IMMP2L: variants seen among roughly 807,000 people sequenced by gnomAD.
The protein encoded by IMMP2L is inner mitochondrial membrane peptidase subunit 2, also known as mitochondrial inner membrane protease subunit 2.
In IMMP2L, 18 loss-of-function variants were observed where a neutral mutation model predicts 19.3. The observed-to-expected ratio is 0.93, with a 90% CI of 0.64 to 1.38. The LOEUF (loss-of-function observed/expected upper bound fraction) is 1.38. Ranked by LOEUF, IMMP2L falls within the 40% of genes most tolerant of loss-of-function variation. The probability of loss-of-function intolerance (pLI) is 0.00; values close to 1 mark genes in which losing one functional copy is unlikely to be tolerated. For synonymous variants in IMMP2L, 76 were observed against 73.0 expected (o/e 1.04, Z -0.21); for missense variants, 233 against 218.2 (o/e 1.07, Z -0.43).
chr7:110,701,320 G>C (rs899113851), intron 5 of IMMP2L, among the ~76,000 whole-genome samples: 4 of 152,152 alleles, frequency 2.6e-5, no homozygotes, highest in African/African-American at 9.7e-5. Flanking sequence ...ATAATAGCTA[G>C]CATCTACCAA....
chr7:111,445,220 G>A (rs1190098760), intron 3 of IMMP2L, among the ~76,000 whole-genome samples: 1 of 151,884 alleles, frequency 6.6e-6, no homozygotes, highest in Non-Finnish European at 1.5e-5. Flanking sequence ...CAAGAACACT[G>A]CAGGACATTG....
Position 111,224,850 on chromosome 7 carries a change from T to C in IMMP2L, c.240-261285A>G, listed in dbSNP as rs567710311. On this transcript the variant is annotated intron_variant, in intron 3 of 5. Transcript: ENST00000405709. ...TGAGTCATTGTACTCTTCACTGCCA[T>C]GCACTGTCATTAAAGCAAGCAAAGT... Among the ~76,000 whole-genome samples the C allele has an allele frequency of 5.3e-5, 8 of 152,266 alleles. No individual in the cohort carries two copies. In the South Asian group the frequency reaches 6.2e-4, roughly 12 times the overall value.
chr7:110,722,951 G>C (rs1795668489), intron 5 of IMMP2L, among the ~76,000 whole-genome samples: 1 of 152,016 alleles, frequency 6.6e-6, no homozygotes, highest in Non-Finnish European at 1.5e-5. Context: ...ATTTGTGCAG[G>C]GAAAAACTCA....
chr7:110,783,845 T>C (rs956026470), intron 5 of IMMP2L, among the ~76,000 whole-genome samples: 7 of 151,840 alleles, frequency 4.6e-5, no homozygotes, highest in Non-Finnish European at 8.8e-5. Context: ...ATCCAACAAG[T>C]TCATTGTAGT....
At chr7:110,714,544 T>G (rs535796255) in intron 5 of IMMP2L, among the ~76,000 whole-genome samples, 3 of 152,112 alleles carry the variant, frequency 2.0e-5, no homozygotes, top group Admixed American at 6.5e-5. Context: ...CTTACTTGTA[T>G]GACTGATAGA....
chr7:111,522,869 G>A (rs1351416450), intron 1 of IMMP2L, among the ~76,000 whole-genome samples: 4 of 148,162 alleles, frequency 2.7e-5, no homozygotes, highest in Non-Finnish European at 4.5e-5. Context: ...AATAGCCAAG[G>A]TATGGAATTA....
chr7:111,432,995 TA>T (rs1643728983), intron 3 of IMMP2L, among the ~76,000 whole-genome samples: 1 of 151,594 alleles, frequency 6.6e-6, no homozygotes, highest in African/African-American at 2.4e-5. Context: ...GGAATATATT[TA>T]ACAAAGAAGG....
intron 3 of IMMP2L, among the ~76,000 whole-genome samples, chr7:111,249,065 G>C (rs1319878330): frequency 2.0e-5 from 1 of 50,396 alleles, no homozygotes; most frequent in East Asian, 5.5e-4. Flanking sequence ...CGAGCTTCCC[G>C]GCTGCTTTGT....
At chr7:111,195,033 A>T (rs1809319153) in intron 3 of IMMP2L, among the ~76,000 whole-genome samples, 1 of 152,098 alleles carries the variant, frequency 6.6e-6, no homozygotes, top group Non-Finnish European at 1.5e-5. Flanking sequence ...AACAATTAAA[A>T]CTGTCACCAT....
At chr7:110,779,457 G>A (rs1170765337) in intron 5 of IMMP2L, among the ~76,000 whole-genome samples, 1 of 151,890 alleles carries the variant, frequency 6.6e-6, no homozygotes, top group Non-Finnish European at 1.5e-5. Flanking sequence ...TTTAGTTATC[G>A]AGAAAAACAT....
At chr7:110,914,903 C>A (rs1813432762) in intron 4 of IMMP2L, among the ~76,000 whole-genome samples, 1 of 152,092 alleles carries the variant, frequency 6.6e-6, no homozygotes, top group African/African-American at 2.4e-5. Context: ...CATAGCACCT[C>A]ATACCTATTA....
rs185256870 is a variant in IMMP2L at position 111,193,532 on chromosome 7, G to C, written c.240-229967C>G. 1.2e-4 allele frequency among the ~76,000 whole-genome samples: 18 copies of C among 152,144 alleles called. No individual in the cohort carries two copies. The East Asian group carries it at 3.1e-3, about 26-fold the overall frequency. ...TCCAACGACTTTTAAAGAAAATATA[G>C]TTCTTATTTTCACTCAGGTTTTATA... On this transcript the variant is annotated intron_variant, in intron 3 of 5. Transcript: ENST00000405709.
chr7:111,409,443 T>A (rs911323410), intron 3 of IMMP2L, among the ~76,000 whole-genome samples: 2 of 151,820 alleles, frequency 1.3e-5, no homozygotes, highest in Non-Finnish European at 2.9e-5. Context: ...TACAACTGCA[T>A]GTTTTCATTG....
intron 3 of IMMP2L, among the ~76,000 whole-genome samples, chr7:111,376,214 T>A (rs1405058570): frequency 2.0e-5 from 3 of 152,108 alleles, no homozygotes; most frequent in Non-Finnish European, 4.4e-5. Context: ...TCTGACAAGT[T>A]TTTTGGTAAA....
chr7:111,499,286 T>G (rs779751688), intron 2 of IMMP2L, among the ~76,000 whole-genome samples: 10 of 152,132 alleles, frequency 6.6e-5, no homozygotes, highest in Non-Finnish European at 1.3e-4. Context: ...CCGAGGAGCA[T>G]GACTCATGGG....
intron 4 of IMMP2L, among the ~76,000 whole-genome samples, chr7:110,887,900 G>C (rs1436310297): frequency 6.6e-6 from 1 of 152,078 alleles, no homozygotes; most frequent in Non-Finnish European, 1.5e-5. Context: ...TGTTCTTTGA[G>C]GTGGTGTCCC....
At chr7:110,874,189 C>G (rs1231748449) in intron 5 of IMMP2L, among the ~76,000 whole-genome samples, 1 of 152,048 alleles carries the variant, frequency 6.6e-6, no homozygotes, top group African/African-American at 2.4e-5. Context: ...TGGTAATAGT[C>G]TCATGGCCAT....
chr7:110,932,643 T>C (rs1192973797), intron 4 of IMMP2L, among the ~76,000 whole-genome samples: 3 of 152,180 alleles, frequency 2.0e-5, no homozygotes, highest in East Asian at 3.9e-4. Flanking sequence ...CGTGAGCCAA[T>C]GGTCCCAGCT....
At position 111,236,764 on chromosome 7, in the gene IMMP2L, C is replaced by T. The variant is rs115135466; in HGVS notation, c.239+250474G>A. 4.1e-3 allele frequency among the ~76,000 whole-genome samples: 624 copies of T among 152,250 alleles called. 9 individuals carry two copies. The highest frequency in any genetic ancestry group is 0.015 in the African/African-American group (603 of 41,542). ...ACTACCAACATTCACCTGGGTTCTC[C>T]TCCCTGTGCTGGGCCCTGGAAAAAC... On this transcript the variant is annotated intron_variant, in intron 3 of 5. Transcript: ENST00000405709.
Sources: allele counts gnomAD v4.1 joint callset (sites outside exome capture counted in the v4.1 genomes callset), GRCh38; gene constraint gnomAD v4.1.1; transcripts MANE v1.5; gene names NCBI Gene and HGNC (gene_info 2026-07-23, HGNC 2026-07-21).